BIRC6: variants seen among roughly 807,000 people sequenced by gnomAD.
BIRC6 encodes baculoviral IAP repeat containing 6.
A neutral mutation model predicts 503.3 loss-of-function variants in BIRC6; 98 were observed. The ratio of observed to expected loss-of-function variants is 0.19; its 90% CI spans 0.17 to 0.23. BIRC6 has a LOEUF of 0.23. Ranked by LOEUF, BIRC6 falls within the 10% of genes least tolerant of loss-of-function variation. BIRC6 has a pLI of 1.00. For synonymous variants in BIRC6, 2,240 were observed against 2,078.7 expected (o/e 1.08, Z -2.11); for missense variants, 5,360 against 5,806.0 (o/e 0.92, Z 2.50).
rs760425166 is a variant in BIRC6 at position 32,593,884 on chromosome 2, T to C, written c.13356-31T>C. The C allele has an allele frequency of 4.4e-6, 7 of 1,588,534 alleles. No individual in the cohort carries two copies. The African/African-American group carries it at 9.5e-5, about 21-fold the overall frequency. ...TTTAGTCCTAAAATCTTAATTTTCC[T>C]TGCTTTTCTTTCCATATTAAAAAAA... On this transcript the variant is annotated intron_variant, in intron 66 of 73. Coordinates refer to ENST00000421745, the MANE Select transcript of BIRC6 (RefSeq NM_016252.4).
At chr2:32,410,703 T>C (rs2041763738) in intron 9 of BIRC6, among the ~76,000 whole-genome samples, 1 of 151,468 alleles carries the variant, frequency 6.6e-6, no homozygotes, top group South Asian at 2.1e-4. Context: ...TTGGGCAACT[T>C]CTTTTTTTTT....
intron 3 of BIRC6, among the ~76,000 whole-genome samples, chr2:32,386,380 T>A (rs533708465): frequency 6.6e-6 from 1 of 152,202 alleles, no homozygotes; most frequent in South Asian, 2.1e-4. Flanking sequence ...AAGATTCATT[T>A]ACAACAGTCC....
intron 65 of BIRC6, among the ~76,000 whole-genome samples, chr2:32,561,978 G>T (rs2059224601): frequency 1.3e-5 from 2 of 151,860 alleles, no homozygotes; most frequent in South Asian, 4.1e-4. Flanking sequence ...GGAGGTGAAG[G>T]TTGCAGTGAG....
intron 26 of BIRC6, among the ~76,000 whole-genome samples, chr2:32,465,814 T>C (rs2048483324): frequency 6.6e-6 from 1 of 152,236 alleles, no homozygotes; most frequent in Non-Finnish European, 1.5e-5. Flanking sequence ...CATGTATCAT[T>C]ATATGAAGAA....
intron 63 of BIRC6, 100 bp from the exon 64 acceptor site, chr2:32,547,750 T>A: frequency 9.0e-7 from 1 of 1,114,996 alleles, no homozygotes; most frequent in South Asian, 1.9e-5. Context: ...ACCAAACTGT[T>A]TTCCATAGTA....
chr2:32,392,341 G>T (rs982345319), intron 5 of BIRC6, among the ~76,000 whole-genome samples, 191 bp downstream of exon 5: 2 of 152,152 alleles, frequency 1.3e-5, no homozygotes, highest in South Asian at 4.2e-4. Context: ...TGCAACCTCC[G>T]CCTCTCAGGT....
chr2:32,359,628 T>C (rs927294443), intron 1 of BIRC6, among the ~76,000 whole-genome samples: 1 of 152,020 alleles, frequency 6.6e-6, no homozygotes, highest in African/African-American at 2.4e-5. Context: ...TGTAGAAGGG[T>C]TTATAGTGAA....
At chr2:32,564,298 C>T (rs2059389063) in intron 65 of BIRC6, 1 of 152,182 alleles carries the variant, frequency 6.6e-6, no homozygotes, top group Admixed American at 6.5e-5. Flanking sequence ...TTGAATGTAT[C>T]AGTAGTTGAT....
chr2:32,563,686 T>C (rs1167277442), intron 65 of BIRC6: 1 of 152,226 alleles, frequency 6.6e-6, no homozygotes, highest in Non-Finnish European at 1.5e-5. Context: ...AGTTCACCCA[T>C]TTAAAGTATA....
Position 32,415,241 on chromosome 2 carries a change from C to T in BIRC6, c.1950C>T (p.Asn650=), listed in dbSNP as rs1452281521. The T allele has an allele frequency of 3.1e-6, 5 of 1,613,878 alleles. No individual in the cohort carries two copies. The highest frequency in any genetic ancestry group is 4.2e-6 in the Non-Finnish European group (5 of 1,179,834). Residue 650 remains asparagine (N), a synonymous_variant, in exon 10 of 74, where the codon AAC becomes AAT. Transcript: ENST00000421745. ...EKAGKIFSQM[N]NIMSKSLHDD... ...CAGGAAAGATCTTTTCACAGATGAA[C>T]AATATTATGAGTAAAAGTTTGCATG...
At chr2:32,434,809 A>G (rs1007661176) in intron 13 of BIRC6, among the ~76,000 whole-genome samples, 38 of 152,180 alleles carry the variant, frequency 2.5e-4, no homozygotes, top group Non-Finnish European at 3.8e-4. Flanking sequence ...ACAGTGAGCT[A>G]TGACTGCACC....
chr2:32,452,412 C>T (rs999704663), intron 22 of BIRC6, among the ~76,000 whole-genome samples: 3 of 151,970 alleles, frequency 2.0e-5, no homozygotes, highest in African/African-American at 7.3e-5. Context: ...CTTGAAATTT[C>T]TACTATGGTA....
intron 23 of BIRC6, among the ~76,000 whole-genome samples, chr2:32,456,215 A>T (rs2047244265): frequency 6.6e-6 from 1 of 152,328 alleles, no homozygotes; most frequent in Middle Eastern, 3.4e-3. Flanking sequence ...ATAACCACTT[A>T]ATGATGCATT....
rs919444089 is a variant in BIRC6 at position 32,357,742 on chromosome 2, C to T, written c.325+256C>T. Reference sequence around the variant, plus strand: ...AGTTGCCTTTCGGGCCTGGAGCGTCCGGTCTGGCTTGGTCCTCCGCGAGAG... The same window carrying T: ...AGTTGCCTTTCGGGCCTGGAGCGTCTGGTCTGGCTTGGTCCTCCGCGAGAG... On this transcript the variant is annotated intron_variant, in intron 1 of 73. Coordinates refer to ENST00000421745, the MANE Select transcript of BIRC6 (RefSeq NM_016252.4). The surrounding 1 kb of genome is among the most constrained non-coding windows in gnomAD (Gnocchi z 4.9). Among the ~76,000 whole-genome samples the T allele has an allele frequency of 1.3e-5, 2 of 152,098 alleles. No homozygotes were observed. The highest frequency in any genetic ancestry group is 1.9e-4 in the East Asian group (1 of 5,166).
intron 65 of BIRC6, among the ~76,000 whole-genome samples, chr2:32,555,497 G>A (rs1318938000): frequency 3.9e-5 from 6 of 152,028 alleles, no homozygotes; most frequent in Admixed American, 3.9e-4. Flanking sequence ...AAATAGCCGG[G>A]TGTGGTGGCG....
chr2:32,518,220 T>C, intron 55 of BIRC6, 34 bp from the exon 56 acceptor site: 1 of 1,583,792 alleles, frequency 6.3e-7, no homozygotes, highest in Non-Finnish European at 8.6e-7. Flanking sequence ...ATATAAATCT[T>C]GCATTTAACT....
chr2:32,496,647 G>T (rs1023315525), intron 45 of BIRC6, among the ~76,000 whole-genome samples: 5 of 152,000 alleles, frequency 3.3e-5, no homozygotes, highest in African/African-American at 1.2e-4. Flanking sequence ...CTCCACCTTT[G>T]TTCTTTATTT....
At chr2:32,515,828 T>A in intron 55 of BIRC6, 58 bp downstream of exon 55, 1 of 1,434,854 alleles carries the variant, frequency 7.0e-7, no homozygotes, top group Non-Finnish European at 9.3e-7. Flanking sequence ...AAGGGCCATG[T>A]ATAAAGGCCA....
At position 32,406,610 on chromosome 2, in the gene BIRC6, C is replaced by T. The variant is rs570208725; in HGVS notation, c.1477+53C>T. Reference sequence around the variant, plus strand: ...TTAAAAAATTCTTTACACAGTTGTGCATACAGCTAACTACCACTTAATTCT... The same window carrying T: ...TTAAAAAATTCTTTACACAGTTGTGTATACAGCTAACTACCACTTAATTCT... On this transcript the variant is annotated intron_variant, in intron 9 of 73. Coordinates refer to ENST00000421745, the MANE Select transcript of BIRC6 (RefSeq NM_016252.4). 151 of 1,250,696 alleles carry T rather than the reference C, an allele frequency of 1.2e-4. 1 individual carries two copies. The African/African-American group carries it at 1.7e-3, about 14-fold the overall frequency. The allele number at this position is 1,250,696 out of a possible 1,614,324, so 77.5% of individuals were successfully genotyped here.
Sources: gnomAD v4.1 joint callset for allele counts (sites outside exome capture counted in the v4.1 genomes callset) on GRCh38, gnomAD v4.1.1 for gene constraint, Gnocchi (gnomAD v3.1) non-coding constraint, MANE v1.5 for transcripts, NCBI Gene and HGNC (gene_info 2026-07-23, HGNC 2026-07-21) for gene names.